The following FGF8 variants were observed in gnomAD, a reference collection of about 807,000 sequenced individuals.
FGF8 encodes the protein fibroblast growth factor 8.
A neutral mutation model predicts 29.7 loss-of-function variants in FGF8; 12 were observed. The ratio of observed to expected loss-of-function variants is 0.40; its 90% CI spans 0.26 to 0.65. FGF8 has a LOEUF of 0.65. FGF8 is among the 30% of genes least tolerant of loss of function. The pLI, the probability that FGF8 is intolerant of heterozygous loss-of-function variation, is 0.37. For missense variants in FGF8, 271 were observed against 345.1 expected (o/e 0.79, Z 1.70); for synonymous variants, 157 against 144.4 (o/e 1.09, Z -0.63).
rs201251181 is a variant in FGF8, at chr10:101,770,654, G to A, written c.445-35C>T. On this transcript the variant is annotated intron_variant, in intron 5 of 5. Coordinates refer to ENST00000320185, the MANE Select transcript of FGF8 (RefSeq NM_033163.5). ...GGGGAGCCAGACACCACGTTACAGA[G>A]CCCCCCCAGCAGAGGCAGAGGGCGA... 1,736 of 1,601,222 alleles carry A rather than the reference G, an allele frequency of 1.1e-3. 12 individuals are homozygous for A. In the Middle Eastern group the frequency reaches 0.016, roughly 15 times the overall value.
chr10:101,779,208 G>A (rs376413975), upstream of FGF8, among the ~76,000 whole-genome samples: 1 of 152,088 alleles, frequency 6.6e-6, no homozygotes, highest in Non-Finnish European at 1.5e-5. This position sits in a 1 kb window ranked among gnomAD's most constrained non-coding sequence, Gnocchi z 5.7. Flanking sequence ...TCGCTCCGAC[G>A]CGCGCTTCCT....
chr10:101,775,107 C>T lies in FGF8; in HGVS notation c.156+23G>A, dbSNP rs1191297352. On this transcript the variant is annotated intron_variant, in intron 3 of 5. Transcript: ENST00000320185. This position sits in a 1 kb window ranked among gnomAD's most constrained non-coding sequence, Gnocchi z 4.6. ...GCAGACCCAGCCCAGGATGAACGAG[C>T]CCCAGGGAGAAGCTGGACCCACCTG... 1.9e-6 allele frequency: 3 copies of T among 1,542,958 alleles called. No homozygotes were observed. Among genetic ancestry groups the T allele is most frequent in the Non-Finnish European group, 2.6e-6 (3 of 1,142,044 alleles).
At chr10:101,779,313 C>T (rs1215477530), upstream of FGF8, among the ~76,000 whole-genome samples, 1 of 152,250 alleles carries the variant, frequency 6.6e-6, no homozygotes, top group Admixed American at 6.5e-5. The surrounding 1 kb of genome is among the most constrained non-coding windows in gnomAD (Gnocchi z 5.7). Flanking sequence ...GTCTGGGAGT[C>T]GTCTCCCTCG....
intron 4 of FGF8, among the ~76,000 whole-genome samples, chr10:101,773,827 C>G (rs2065054326): frequency 6.6e-6 from 1 of 152,210 alleles, no homozygotes; most frequent in Non-Finnish European, 1.5e-5. Context: ...TCTTTTTTAA[C>G]ATTTACAGAC....
At chr10:101,773,242 C>A (rs1380000334) in intron 4 of FGF8, among the ~76,000 whole-genome samples, 1 of 152,202 alleles carries the variant, frequency 6.6e-6, no homozygotes, top group South Asian at 2.1e-4. Flanking sequence ...TGAATTCCCC[C>A]ACACCAGCTT....
At chr10:101,773,785 C>T (rs2065053959) in intron 4 of FGF8, among the ~76,000 whole-genome samples, 1 of 152,190 alleles carries the variant, frequency 6.6e-6, no homozygotes, top group South Asian at 2.1e-4. Context: ...GCAGGGGTCT[C>T]TCCAGAGATT....
upstream of FGF8, among the ~76,000 whole-genome samples, chr10:101,777,010 A>T (rs1378586774): frequency 6.6e-6 from 1 of 152,164 alleles, no homozygotes; most frequent in African/African-American, 2.4e-5. Context: ...AAAAACTCTC[A>T]GTAGCTTTTA....
At position 101,770,252 on chromosome 10, in the gene FGF8, C is replaced by T; in HGVS notation, c.*77G>A. On this transcript the variant is annotated 3_prime_UTR_variant, in exon 6 of 6. Transcript: ENST00000320185. ...CCAGCCTGCAGAGCAGCGCACAGCT[C>T]ATCTTGCTTGAGTTTTGGGTGCCCT... 7.1e-7 allele frequency: 1 copy of T among 1,404,766 alleles called. No individual in the cohort carries two copies. The highest frequency in any genetic ancestry group is 9.6e-7 in the Non-Finnish European group (1 of 1,036,912). 87.0% of individuals were successfully genotyped at this position (1,404,766 alleles called of 1,614,324 possible).
chr10:101,777,914 T>C (rs554418342), upstream of FGF8, among the ~76,000 whole-genome samples: 2 of 151,710 alleles, frequency 1.3e-5, no homozygotes, highest in East Asian at 3.9e-4. Flanking sequence ...TGCCACAGGC[T>C]TGGCAGGCAC....
At position 101,775,834 on chromosome 10, in the gene FGF8, G is replaced by C; in HGVS notation, c.32+35C>G. 6.6e-7 allele frequency: 1 copy of C among 1,521,364 alleles called. No individual in the cohort carries two copies. The highest frequency in any genetic ancestry group is 8.8e-7 in the Non-Finnish European group (1 of 1,137,504). The allele number at this position is 1,521,364 out of a possible 1,614,324, so 94.2% of individuals were successfully genotyped here. A position where few individuals can be genotyped will look rare whatever the true frequency, so the allele number is the denominator to read the frequency against. Reference sequence around the variant, plus strand: ...GCGCGGGTGAGGCGAGGGGCGCGGGGGGCGGGTGGCGGGGCAGGGCGGCGC... The same window carrying C: ...GCGCGGGTGAGGCGAGGGGCGCGGGCGGCGGGTGGCGGGGCAGGGCGGCGC... On this transcript the variant is annotated intron_variant, in intron 1 of 5. Coordinates refer to ENST00000320185, the MANE Select transcript of FGF8 (RefSeq NM_033163.5). This position sits in a 1 kb window ranked among gnomAD's most constrained non-coding sequence, Gnocchi z 4.6.
At position 101,772,763 on chromosome 10, in the gene FGF8, C is replaced by T. The variant is rs556484421; in HGVS notation, c.338-1194G>A. On this transcript the variant is annotated intron_variant, in intron 4 of 5. Coordinates refer to ENST00000320185, the MANE Select transcript of FGF8 (RefSeq NM_033163.5). The surrounding 1 kb of genome is among the most constrained non-coding windows in gnomAD (Gnocchi z 4.4). ...TCACTGCTCAGCTTGTAATGTTCCC[C>T]GCTTCACACAGGCTCAGTGCTGGGA... 2.6e-5 allele frequency among the ~76,000 whole-genome samples: 4 copies of T among 152,172 alleles called. No individual in the cohort carries two copies. The highest frequency in any genetic ancestry group is 4.4e-5 in the Non-Finnish European group (3 of 68,032).
In FGF8 at chr10:101,775,555, T is replaced by C; in HGVS notation, c.69+185A>G. The C allele has an allele frequency of 1.5e-6, 1 of 652,058 alleles. No individual in the cohort carries two copies. The allele number at this position is 652,058 out of a possible 1,614,324, so 40.4% of individuals were successfully genotyped here. A position where few individuals can be genotyped will look rare whatever the true frequency, so the allele number is the denominator to read the frequency against. On this transcript the variant is annotated intron_variant, in intron 2 of 5. Coordinates refer to ENST00000320185, the MANE Select transcript of FGF8 (RefSeq NM_033163.5). The surrounding 1 kb of genome is among the most constrained non-coding windows in gnomAD (Gnocchi z 4.6). ...CTGGCCACTCACTCGCTGTGTGACC[T>C]CAGGAGGGGTGCTACCTCTCTGTGC...
upstream of FGF8, among the ~76,000 whole-genome samples, chr10:101,777,922 C>T (rs2135006874): frequency 6.6e-6 from 1 of 151,668 alleles, no homozygotes; most frequent in Non-Finnish European, 1.5e-5. Context: ...GCTTGGCAGG[C>T]ACTGTCTCCT....
chr10:101,779,865 A>C (rs573681720), upstream of FGF8, among the ~76,000 whole-genome samples: 1 of 152,180 alleles, frequency 6.6e-6, no homozygotes, highest in East Asian at 1.9e-4. The surrounding 1 kb of genome is among the most constrained non-coding windows in gnomAD (Gnocchi z 5.7). Flanking sequence ...ACTCCAACTC[A>C]AGTCGTTCGA....
intron 4 of FGF8, among the ~76,000 whole-genome samples, chr10:101,774,097 T>A (rs1355746467): frequency 6.6e-6 from 1 of 152,194 alleles, no homozygotes; most frequent in Non-Finnish European, 1.5e-5. Context: ...CTCTGGAAAT[T>A]GGCCCCGTTT....
rs899212698 is a variant in FGF8, at chr10:101,772,130, A to G, written c.338-561T>C. On this transcript the variant is annotated intron_variant, in intron 4 of 5. Transcript: ENST00000320185. This position sits in a 1 kb window ranked among gnomAD's most constrained non-coding sequence, Gnocchi z 4.4. ...CCACCCCCAGCCCCTCAACATCACC[A>G]GGCTCTGCTCTGCTGAGAAGGTGCT... is the stretch of plus-strand genomic sequence containing the variant. 2.0e-5 allele frequency among the ~76,000 whole-genome samples: 3 copies of G among 152,206 alleles called. No individual in the cohort carries two copies. Among genetic ancestry groups the G allele is most frequent in the African/African-American group, 7.2e-5 (3 of 41,446 alleles).
intron 5 of FGF8, 32 bp from the exon 6 acceptor site, chr10:101,770,651 A>G (rs1475381993): frequency 6.2e-7 from 1 of 1,602,794 alleles, no homozygotes; most frequent in South Asian, 1.1e-5. Flanking sequence ...ACCACGTTAC[A>G]GAGCCCCCCC....
Position 101,775,768 on chromosome 10 carries a change from T to C in FGF8, c.41A>G (p.His14Arg). 1 of 1,545,058 alleles carries C rather than the reference T, an allele frequency of 6.5e-7. No homozygotes were observed. Among genetic ancestry groups the C allele is most frequent in the East Asian group, 2.5e-5 (1 of 40,800 alleles). Residue 14 changes from histidine (H) to arginine (R), a missense_variant, in exon 2 of 6, where the codon CAC becomes CGC. Physicochemically the swap from His to Arg is conservative, Grantham distance 29. This residue lies in a region of FGF8 where 168 missense variants were observed against 207.0 expected (regional missense o/e 0.81). Coordinates refer to ENST00000320185, the MANE Select transcript of FGF8 (RefSeq NM_033163.5). This position sits in a 1 kb window ranked among gnomAD's most constrained non-coding sequence, Gnocchi z 4.6. The stretch of plus-strand genomic sequence containing the variant: ...GGCTTGGAGGCAGAGGACCAGCAAG[T>C]GCAACAGCCTGTGGGAGACAAAAGC... ...PRSALSCLLL[H>R]LLVLCLQAQE...
intron 4 of FGF8, 71 bp downstream of exon 4, chr10:101,774,661 C>A (rs1364471133): frequency 4.4e-6 from 6 of 1,370,854 alleles, no homozygotes; most frequent in Non-Finnish European, 6.1e-6. Context: ...CCTGCAGGCC[C>A]CCGGCCAGTG....
Sources: gnomAD v4.1 joint callset for allele counts (sites outside exome capture counted in the v4.1 genomes callset) on GRCh38, gnomAD v4.1.1 for gene constraint, gnomAD v4.1.1 regional missense constraint, Gnocchi (gnomAD v3.1) non-coding constraint, MANE v1.5 for transcripts, NCBI Gene and HGNC (gene_info 2026-07-23, HGNC 2026-07-21) for gene names.